Variants in MARCOL observed in about 807,000 individuals in gnomAD.
MARCOL encodes MARCO-like protein.
Position 148,243,097 on chromosome 5 carries a change from C to G in MARCOL, c.701C>G (p.Ser234Cys), listed in dbSNP as rs929280039. The G allele has an allele frequency of 7.5e-6, 3 of 399,710 alleles. No individual in the cohort carries two copies. Among genetic ancestry groups the G allele is most frequent in the African/African-American group, 4.1e-5 (2 of 48,622 alleles). The allele number at this position is 399,710 out of a possible 1,614,324, so 24.8% of individuals were successfully genotyped here. A position where few individuals can be genotyped will look rare whatever the true frequency, so the allele number is the denominator to read the frequency against. The change falls in exon 2 of 2, where the codon TCT (serine) becomes TGT (cysteine). Residue 234 changes from serine to cysteine, a missense_variant. Coordinates refer to ENST00000638089, the MANE Select transcript of MARCOL (RefSeq NM_001363511.2). ...GGCCAACAGGAGAAGCCAGGATCTTCTAGCCAACAGGGGAAGCCAGGGTTG... is the reference window on the plus strand; with the variant it reads ...GGCCAACAGGAGAAGCCAGGATCTTGTAGCCAACAGGGGAAGCCAGGGTTG... ...TSGQQEKPGS[S>C]SQQGKPGLSS...
At chr5:148,238,952 G>A (rs112660592) in intron 1 of MARCOL, among the ~76,000 whole-genome samples, 83 of 152,030 alleles carry the variant, frequency 5.5e-4, no homozygotes, top group Non-Finnish European at 8.2e-4. Flanking sequence ...TTGTGAATAT[G>A]CAAGTTCATA....
chr5:148,239,765 C>T (rs1364004579), intron 1 of MARCOL, among the ~76,000 whole-genome samples: 1 of 151,780 alleles, frequency 6.6e-6, no homozygotes, highest in African/African-American at 2.4e-5. Flanking sequence ...ACATATATTT[C>T]GTATTTCATG....
chr5:148,241,742 A>G (rs968973230), intron 1 of MARCOL, among the ~76,000 whole-genome samples: 5 of 152,092 alleles, frequency 3.3e-5, no homozygotes, highest in African/African-American at 1.2e-4. Flanking sequence ...GCTATAAAAC[A>G]CAGGGTTTAA....
Position 148,243,101 on chromosome 5 carries a change from C to T in MARCOL, c.705C>T (p.Ser235=), listed in dbSNP as rs1755986776. The change falls in exon 2 of 2, where the codon AGC becomes AGT. Residue 235 remains serine (S), a synonymous_variant. Transcript: ENST00000638089. ...SGQQEKPGSS[S]QQGKPGLSSH... ...AACAGGAGAAGCCAGGATCTTCTAG[C>T]CAACAGGGGAAGCCAGGGTTGTCTA... 1 of 399,812 alleles carries T rather than the reference C, an allele frequency of 2.5e-6. No homozygotes were observed. Among genetic ancestry groups the T allele is most frequent in the Non-Finnish European group, 4.4e-6 (1 of 227,090 alleles). 24.8% of individuals were successfully genotyped at this position (399,812 alleles called of 1,614,324 possible).
In MARCOL at chr5:148,242,523, A is replaced by T. The variant is rs946990450; in HGVS notation, c.127A>T (p.Lys43Ter). The change falls in exon 2 of 2, where the codon AAA becomes TAA. Residue 43 changes from lysine to a stop codon, truncating the protein, a stop_gained. Transcript: ENST00000638089. LOFTEE classifies it low-confidence loss of function (END_TRUNC). ...AAAACCTGCACTTATTCTGGAGGAA[A>T]AAAATGAAGCTAACCATCTAGGAGG... ...NPKPALILEE[K>*]NEANHLGGQR... The T allele has an allele frequency of 2.5e-6, 1 of 398,262 alleles. No individual in the cohort carries two copies. The highest frequency in any genetic ancestry group is 2.1e-5 in the African/African-American group (1 of 48,614). 24.7% of individuals were successfully genotyped at this position (398,262 alleles called of 1,614,324 possible).
intron 1 of MARCOL, among the ~76,000 whole-genome samples, chr5:148,240,207 A>AT (rs2113339745): frequency 6.6e-6 from 1 of 152,062 alleles, no homozygotes; most frequent in South Asian, 2.1e-4. Flanking sequence ...ATAAATTATG[A>AT]TAAACCCATA....
rs2113342043 is a variant in MARCOL at position 148,243,067 on chromosome 5, C to A, written c.671C>A (p.Thr224Asn). ...TCTAGCCAACAAGGAAATCTAGGAA[C>A]TTCTGGCCAACAGGAGAAGCCAGGA... is the stretch of plus-strand genomic sequence containing the variant. Reference protein sequence around the residue: ...GSSSQQGNLGTSGQQEKPGSS... With the variant: ...GSSSQQGNLGNSGQQEKPGSS... Residue 224 changes from threonine to asparagine, a missense_variant, in exon 2 of 2, where the codon ACT becomes AAT. Thr to Asn is a moderately conservative substitution (Grantham distance 65). Coordinates refer to ENST00000638089, the MANE Select transcript of MARCOL (RefSeq NM_001363511.2). The A allele has an allele frequency of 5.0e-6, 2 of 397,024 alleles. No individual in the cohort carries two copies. The highest frequency in any genetic ancestry group is 2.6e-4 in the South Asian group (2 of 7,830). The allele number at this position is 397,024 out of a possible 1,614,324, so 24.6% of individuals were successfully genotyped here.
chr5:148,242,601 A>T lies in MARCOL; in HGVS notation c.205A>T (p.Thr69Ser). The change falls in exon 2 of 2, where the codon ACG (threonine) becomes TCG (serine). Residue 69 changes from threonine to serine, a missense_variant. Transcript: ENST00000638089. ...TAGTTATACACAAGGAAATCCAGGA[A>T]CGTTTAGGCTTCAAGGACAACCAGG... The part of the protein sequence containing the change: ...GGSYTQGNPG[T>S]FRLQGQPGYF... 2.5e-6 allele frequency: 1 copy of T among 398,372 alleles called. No individual in the cohort carries two copies. Among genetic ancestry groups the T allele is most frequent in the Non-Finnish European group, 4.4e-6 (1 of 225,918 alleles). 24.7% of individuals were successfully genotyped at this position (398,372 alleles called of 1,614,324 possible).
chr5:148,243,405 G>T lies in MARCOL; in HGVS notation c.*151G>T. On this transcript the variant is annotated 3_prime_UTR_variant, in exon 2 of 2. Transcript: ENST00000638089. ...GAAGCCAGTGTCATCTAGCCAACAA[G>T]GGAAGCCAGGGGCATCTAACCAGCA... 1 of 396,546 alleles carries T rather than the reference G, an allele frequency of 2.5e-6. No homozygotes were observed. The highest frequency in any genetic ancestry group is 1.3e-4 in the South Asian group (1 of 7,488). The allele number at this position is 396,546 out of a possible 1,614,324, so 24.6% of individuals were successfully genotyped here. A position where few individuals can be genotyped will look rare whatever the true frequency, so the allele number is the denominator to read the frequency against.
At chr5:148,238,778 G>A (rs1379777760) in intron 1 of MARCOL, 132 bp downstream of exon 1, 1 of 393,154 alleles carries the variant, frequency 2.5e-6, no homozygotes, top group Non-Finnish European at 4.5e-6. Context: ...ATGGAAGAAG[G>A]TAAATTTCTG....
At chr5:148,238,951 T>C (rs528754445) in intron 1 of MARCOL, among the ~76,000 whole-genome samples, 4 of 152,182 alleles carry the variant, frequency 2.6e-5, no homozygotes, top group South Asian at 2.1e-4. Context: ...TTTGTGAATA[T>C]GCAAGTTCAT....
At chr5:148,240,753 A>T (rs902928132) in intron 1 of MARCOL, among the ~76,000 whole-genome samples, 9 of 151,934 alleles carry the variant, frequency 5.9e-5, no homozygotes, top group African/African-American at 1.9e-4. Context: ...TAGAACTGAA[A>T]GAATCCATAC....
At chr5:148,242,255 T>G (rs1316755654) in intron 1 of MARCOL, among the ~76,000 whole-genome samples, 191 bp from the exon 2 acceptor site, 2 of 152,012 alleles carry the variant, frequency 1.3e-5, no homozygotes, top group Non-Finnish European at 2.9e-5. Context: ...TGTAGTACAG[T>G]AAAGAAAACA....
At chr5:148,242,355 A>C in intron 1 of MARCOL, 91 bp from the exon 2 acceptor site, 1 of 395,386 alleles carries the variant, frequency 2.5e-6, no homozygotes, top group Non-Finnish European at 4.5e-6. Flanking sequence ...CATTAAAAAC[A>C]TACTATATCT....
rs570824117 is a variant in MARCOL, at chr5:148,238,694, G to T, written c.49+48G>T. 4.6e-4 allele frequency: 184 copies of T among 397,840 alleles called. 1 individual carries two copies. The South Asian group carries it at 8.5e-3, about 18-fold the overall frequency. 24.6% of individuals were successfully genotyped at this position (397,840 alleles called of 1,614,324 possible). ...CTTTCCTTCCAAATCTCAAAGGAAAGAATGAGAAATGTTAAGTGATTTAGC... is the reference window on the plus strand; with the variant it reads ...CTTTCCTTCCAAATCTCAAAGGAAATAATGAGAAATGTTAAGTGATTTAGC... On this transcript the variant is annotated intron_variant, in intron 1 of 1. Coordinates refer to ENST00000638089, the MANE Select transcript of MARCOL (RefSeq NM_001363511.2).
rs533494410 is a variant in MARCOL at position 148,243,492 on chromosome 5, A to G, written c.*238A>G. On this transcript the variant is annotated 3_prime_UTR_variant, in exon 2 of 2. Coordinates refer to ENST00000638089, the MANE Select transcript of MARCOL (RefSeq NM_001363511.2). ...AGGATCATCTAGCCAGCAAGGAAAT[A>G]TAGGGTCATCTGGCCAGGAATGGAA... is the stretch of plus-strand genomic sequence containing the variant. 8.1e-6 allele frequency: 3 copies of G among 369,968 alleles called. No homozygotes were observed. Among genetic ancestry groups the G allele is most frequent in the South Asian group, 3.0e-4 (2 of 6,778 alleles). The allele number at this position is 369,968 out of a possible 1,614,324, so 22.9% of individuals were successfully genotyped here.
intron 1 of MARCOL, among the ~76,000 whole-genome samples, chr5:148,239,644 G>T (rs1387514194): frequency 1.3e-5 from 2 of 148,904 alleles, no homozygotes; most frequent in African/African-American, 4.9e-5. Flanking sequence ...ACAGAGTTAA[G>T]AAAAAAAAAG....
At chr5:148,238,729 T>C (rs141457748) in intron 1 of MARCOL, 83 bp downstream of exon 1, 22 of 396,846 alleles carry the variant, frequency 5.5e-5, no homozygotes, top group Non-Finnish European at 9.4e-5. Context: ...CAATACTTTA[T>C]CAAAAGATTT....
chr5:148,239,335 A>G (rs1226417909), intron 1 of MARCOL, among the ~76,000 whole-genome samples: 1 of 152,038 alleles, frequency 6.6e-6, no homozygotes, highest in African/African-American at 2.4e-5. Context: ...TAAAAATTAT[A>G]ATAATGAAAC....
Sources: allele counts gnomAD v4.1 joint callset (sites outside exome capture counted in the v4.1 genomes callset), GRCh38; gene constraint gnomAD v4.1.1; transcripts MANE v1.5; gene names NCBI Gene and HGNC (gene_info 2026-07-23, HGNC 2026-07-21).